The following COX6B2 variants were observed in gnomAD, a reference collection of about 807,000 sequenced individuals.
COX6B2 encodes the protein cytochrome c oxidase subunit 6B2, also known as COX VIb-2.
Under a neutral mutation model 13.7 loss-of-function variants are expected in COX6B2, and 12 were observed. The ratio of observed to expected loss-of-function variants is 0.87; its 90% CI spans 0.56 to 1.41. COX6B2 has a LOEUF of 1.41. COX6B2 is among the 40% of genes most tolerant of loss of function. The probability of loss-of-function intolerance (pLI) is 0.00; values close to 1 mark genes in which losing one functional copy is unlikely to be tolerated. For missense variants in COX6B2, 130 were observed against 118.3 expected (o/e 1.10, Z -0.46); for synonymous variants, 56 against 46.6 (o/e 1.20, Z -0.82).
Position 55,353,629 on chromosome 19 carries a change from G to T in COX6B2, c.*92C>A. On this transcript the variant is annotated 3_prime_UTR_variant, in exon 4 of 5. Coordinates refer to ENST00000326529, the MANE Select transcript of COX6B2 (RefSeq NM_144613.5). ...TACCATTATTCGTGGCTTAGACACT[G>T]GGAGGTAGGGGTGGATAACCGAGAC... The T allele has an allele frequency of 1.7e-6, 2 of 1,188,896 alleles. No individual in the cohort carries two copies. The highest frequency in any genetic ancestry group is 1.3e-5 in the South Asian group (1 of 75,288). The allele number at this position is 1,188,896 out of a possible 1,614,324, so 73.6% of individuals were successfully genotyped here. A position where few individuals can be genotyped will look rare whatever the true frequency, so the allele number is the denominator to read the frequency against.
Position 55,353,601 on chromosome 19 carries a change from G to T in COX6B2, c.*114+6C>A. The T allele has an allele frequency of 1.1e-6, 1 of 906,150 alleles. No homozygotes were observed. The allele number at this position is 906,150 out of a possible 1,614,324, so 56.1% of individuals were successfully genotyped here. A position where few individuals can be genotyped will look rare whatever the true frequency, so the allele number is the denominator to read the frequency against. ...GCATTAAGAAGAAACATCAGCAACAGCATACCATTATTCGTGGCTTAGACA... is the reference window on the plus strand; with the variant it reads ...GCATTAAGAAGAAACATCAGCAACATCATACCATTATTCGTGGCTTAGACA... On this transcript the variant is annotated splice_donor_region_variant and intron_variant, in intron 4 of 4. Transcript: ENST00000326529.
chr19:55,353,980 G>A lies in COX6B2; in HGVS notation c.113-14C>T, dbSNP rs1410163862. On this transcript the variant is annotated splice_polypyrimidine_tract_variant and intron_variant, in intron 2 of 4. Coordinates refer to ENST00000326529, the MANE Select transcript of COX6B2 (RefSeq NM_144613.5). The stretch of plus-strand genomic sequence containing the variant: ...AGCGGTGGTAGTCTGTGGCGGGCGG[G>A]GGTCACGCGGCAAGCCACGCCCATT... The A allele has an allele frequency of 2.0e-6, 3 of 1,537,490 alleles. No homozygotes were observed. The highest frequency in any genetic ancestry group is 2.4e-5 in the East Asian group (1 of 40,862).
At chr19:55,353,333 C>G (rs2089682503) in intron 4 of COX6B2, 2 of 350,720 alleles carry the variant, frequency 5.7e-6, no homozygotes, top group Non-Finnish European at 1.1e-5. Context: ...CTGGGTGGGA[C>G]AGTGTTGAGA....
At position 55,352,794 on chromosome 19, in the gene COX6B2, T is replaced by C. The variant is rs945703283; in HGVS notation, c.*114+813A>G. 6.6e-6 allele frequency: 1 copy of C among 152,270 alleles called. No individual in the cohort carries two copies. The highest frequency in any genetic ancestry group is 1.5e-5 in the Non-Finnish European group (1 of 68,066). 9.4% of individuals were successfully genotyped at this position (152,270 alleles called of 1,614,324 possible). A position where few individuals can be genotyped will look rare whatever the true frequency, so the allele number is the denominator to read the frequency against. On this transcript the variant is annotated intron_variant, in intron 4 of 4. Coordinates refer to ENST00000326529, the MANE Select transcript of COX6B2 (RefSeq NM_144613.5). The surrounding 1 kb of genome is among the most constrained non-coding windows in gnomAD (Gnocchi z 6.2). ...GAACCGGAATGCGGTTCCGTGTTAC[T>C]GCCGGGATGGGGAAGGAGTAAAGAA...
rs746221230 is a variant in COX6B2, at chr19:55,353,860, A to C, written c.213+6T>G. ...GCCTGGCCCGGCGCCCCCTCTGCCGACTCACCCAGCTGATGGGGCACAGCG... is the reference window on the plus strand; with the variant it reads ...GCCTGGCCCGGCGCCCCCTCTGCCGCCTCACCCAGCTGATGGGGCACAGCG... On this transcript the variant is annotated splice_donor_region_variant and intron_variant, in intron 3 of 4. Transcript: ENST00000326529. 1 of 1,578,432 alleles carries C rather than the reference A, an allele frequency of 6.3e-7. No homozygotes were observed. The highest frequency in any genetic ancestry group is 8.6e-7 in the Non-Finnish European group (1 of 1,162,746).
rs376652873 is a variant in COX6B2 at position 55,353,985 on chromosome 19, A to T, written c.113-19T>A. 53 of 1,533,214 alleles carry T rather than the reference A, an allele frequency of 3.5e-5. No individual in the cohort carries two copies. In the African/African-American group the frequency reaches 7.0e-4, roughly 20 times the overall value. The allele number at this position is 1,533,214 out of a possible 1,614,324, so 95.0% of individuals were successfully genotyped here. ...TGGTAGTCTGTGGCGGGCGGGGGTC[A>T]CGCGGCAAGCCACGCCCATTCCAGG... On this transcript the variant is annotated intron_variant, in intron 2 of 4. Transcript: ENST00000326529.
rs1278085719 is a variant in COX6B2 at position 55,354,525 on chromosome 19, C to G, written c.-4G>C. 1.0e-5 allele frequency: 16 copies of G among 1,604,600 alleles called. No individual in the cohort carries two copies. Among genetic ancestry groups the G allele is most frequent in the Non-Finnish European group, 1.3e-5 (15 of 1,173,504 alleles). ...CCTGGGCTTCCACATCCAACATCCACGAAGGAGGCAACTCCTGCGAGACGG... is the reference window on the plus strand; with the variant it reads ...CCTGGGCTTCCACATCCAACATCCAGGAAGGAGGCAACTCCTGCGAGACGG... On this transcript the variant is annotated 5_prime_UTR_variant, in exon 2 of 5. Transcript: ENST00000326529.
chr19:55,353,501 T>A (rs753772725), intron 4 of COX6B2, 106 bp downstream of exon 4: 5 of 597,636 alleles, frequency 8.4e-6, no homozygotes, highest in Non-Finnish European at 1.5e-5. Context: ...CTGCCCCTTA[T>A]CGGAAAAAGC....
In COX6B2 at chr19:55,352,874, A is replaced by C. The variant is rs1743789444; in HGVS notation, c.*114+733T>G. On this transcript the variant is annotated intron_variant, in intron 4 of 4. Transcript: ENST00000326529. This position sits in a 1 kb window ranked among gnomAD's most constrained non-coding sequence, Gnocchi z 6.2. ...GGGTGCTGGCAGTCTGGCGGGGGTC[A>C]CAGGAGAAATTGCGGCGATGTGTGC... 6.6e-6 allele frequency: 1 copy of C among 152,534 alleles called. No individual in the cohort carries two copies. The highest frequency in any genetic ancestry group is 3.4e-3 in the Middle Eastern group (1 of 298). The allele number at this position is 152,534 out of a possible 1,614,324, so 9.4% of individuals were successfully genotyped here. A position where few individuals can be genotyped will look rare whatever the true frequency, so the allele number is the denominator to read the frequency against.
intron 4 of COX6B2, among the ~76,000 whole-genome samples, chr19:55,351,403 A>G (rs1207820274): frequency 1.3e-5 from 2 of 152,082 alleles, no homozygotes; most frequent in African/African-American, 4.8e-5. Flanking sequence ...AAACCCAGAG[A>G]GAGGAGGCGA....
intron 1 of COX6B2, 27 bp from the exon 2 acceptor site, chr19:55,354,566 C>T: frequency 7.0e-7 from 1 of 1,436,772 alleles, no homozygotes. Flanking sequence ...GACGGGGACT[C>T]CGTGGGGCCG....
intron 4 of COX6B2, chr19:55,353,260 T>G (rs771586570): frequency 3.6e-4 from 72 of 199,510 alleles, no homozygotes; most frequent in Middle Eastern, 2.0e-3. Context: ...AGGAGGGGAG[T>G]AGGGAAAGGA....
At chr19:55,353,369 G>C (rs1454393676) in intron 4 of COX6B2, 1 of 404,356 alleles carries the variant, frequency 2.5e-6, no homozygotes, top group Admixed American at 4.1e-5. Context: ...CTGGCTCGTA[G>C]CTGTCAACGC....
chr19:55,353,522 C>G (rs1032220964), intron 4 of COX6B2, 85 bp downstream of exon 4: 35 of 620,862 alleles, frequency 5.6e-5, no homozygotes, highest in Non-Finnish European at 9.0e-5. Context: ...AGCGTTAGCC[C>G]GGACACAGGC....
chr19:55,353,988 C>T (rs751764711), intron 2 of COX6B2, 22 bp from the exon 3 acceptor site: 2 of 1,529,800 alleles, frequency 1.3e-6, no homozygotes, highest in Non-Finnish European at 1.8e-6. Flanking sequence ...GGGGGTCACG[C>T]GGCAAGCCAC....
In COX6B2 at chr19:55,354,488, C is replaced by A. The variant is rs1569026296; in HGVS notation, c.34G>T (p.Gly12Trp). 6.2e-7 allele frequency: 1 copy of A among 1,613,682 alleles called. No individual in the cohort carries two copies. Among genetic ancestry groups the A allele is most frequent in the East Asian group, 2.2e-5 (1 of 44,856 alleles). The part of the protein sequence containing the change: ...LDVEAQEPPK[G>W]KWSTPPFDPR... ...TCGAAGGGCGGCGTCGACCATTTCCCCTTGGGGGGCTCCTGGGCTTCCACA... is the reference window on the plus strand; with the variant it reads ...TCGAAGGGCGGCGTCGACCATTTCCACTTGGGGGGCTCCTGGGCTTCCACA... Residue 12 changes from glycine (G) to tryptophan (W), a missense_variant, in exon 2 of 5, where the codon GGG becomes TGG. Physicochemically the swap from Gly to Trp is radical, Grantham distance 184 (BLOSUM62 -2). Transcript: ENST00000326529.
rs970572235 is a variant in COX6B2, at chr19:55,353,891, T to C, written c.188A>G (p.Tyr63Cys). 4.5e-6 allele frequency: 7 copies of C among 1,572,050 alleles called. No individual in the cohort carries two copies. The highest frequency in any genetic ancestry group is 5.2e-6 in the Non-Finnish European group (6 of 1,159,708). The change falls in exon 3 of 5, where the codon TAC (tyrosine) becomes TGC (cysteine). Residue 63 changes from tyrosine to cysteine, a missense_variant. Transcript: ENST00000326529. ...CCAGCTGATGGGGCACAGCGAGTGG[T>C]ACACGCGGAAATAGTACTCGCAGGG... is the stretch of plus-strand genomic sequence containing the variant. ...TQPCEYYFRV[Y>C]HSLCPISWVE...
Position 55,353,848 on chromosome 19 carries a change from C to G in COX6B2, c.213+18G>C. On this transcript the variant is annotated intron_variant, in intron 3 of 4. Transcript: ENST00000326529. ...AGCCCTGCACACGCCTGGCCCGGCG[C>G]CCCCTCTGCCGACTCACCCAGCTGA... The G allele has an allele frequency of 6.3e-7, 1 of 1,580,682 alleles. No homozygotes were observed. The highest frequency in any genetic ancestry group is 8.6e-7 in the Non-Finnish European group (1 of 1,163,834).
At chr19:55,354,074 C>T in intron 2 of COX6B2, 108 bp from the exon 3 acceptor site, 1 of 1,035,188 alleles carries the variant, frequency 9.7e-7, no homozygotes, top group Non-Finnish European at 1.4e-6. Flanking sequence ...CCGCCTCCCT[C>T]TCCCCTGGAG....
Sources: allele counts gnomAD v4.1 joint callset (sites outside exome capture counted in the v4.1 genomes callset), GRCh38; gene constraint gnomAD v4.1.1; non-coding constraint Gnocchi (gnomAD v3.1); transcripts MANE v1.5; gene names NCBI Gene and HGNC (gene_info 2026-07-23, HGNC 2026-07-21).